The following INSC variants were observed in gnomAD, a reference collection of about 807,000 sequenced individuals.
INSC encodes INSC spindle orientation adaptor protein.
Under a neutral mutation model 58.6 loss-of-function variants are expected in INSC, and 67 were observed. That is an observed-to-expected ratio of 1.14 (90% CI 0.94 to 1.40). INSC has a LOEUF of 1.40. Among genes scored for constraint, INSC ranks in the 40% most tolerant of loss-of-function variants. INSC has a pLI of 0.00. For missense variants in INSC, 714 were observed against 692.0 expected (o/e 1.03, Z -0.36); for synonymous variants, 262 against 276.1 (o/e 0.95, Z 0.51).
At chr11:15,235,791 C>A in intron 10 of INSC, 123 bp downstream of exon 10, 2 of 862,166 alleles carry the variant, frequency 2.3e-6, no homozygotes, top group Non-Finnish European at 3.9e-6. Flanking sequence ...GCGCAGGAAT[C>A]ATGCCTGTAA....
At chr11:15,207,957 G>A (rs1374704463) in intron 7 of INSC, among the ~76,000 whole-genome samples, 4 of 152,076 alleles carry the variant, frequency 2.6e-5, no homozygotes, top group East Asian at 1.9e-4. Context: ...AGAACCCTGC[G>A]TTTTTGCTCC....
chr11:15,160,203 A>G (rs1848968832), intron 2 of INSC, among the ~76,000 whole-genome samples: 1 of 152,198 alleles, frequency 6.6e-6, no homozygotes, highest in Admixed American at 6.5e-5. Flanking sequence ...ATGGGACATA[A>G]ATTTGTTGAG....
intron 2 of INSC, among the ~76,000 whole-genome samples, chr11:15,156,455 T>C (rs1471549626): frequency 6.6e-6 from 1 of 152,194 alleles, no homozygotes; most frequent in African/African-American, 2.4e-5. Flanking sequence ...TGGATTTTTG[T>C]TTCCACTTAT....
the INSC span, among the ~76,000 whole-genome samples, chr11:15,262,558 G>A: frequency 6.6e-6 from 1 of 152,034 alleles, no homozygotes; most frequent in Admixed American, 6.6e-5. Context: ...GAAAACTGCA[G>A]GTCTTGATTC....
intron 1 of INSC, among the ~76,000 whole-genome samples, chr11:15,120,136 A>C (rs1847834822): frequency 6.6e-6 from 1 of 152,080 alleles, no homozygotes; most frequent in Admixed American, 6.5e-5. Flanking sequence ...ACTTCTCTGC[A>C]TTTTCTGAGG....
At chr11:15,201,066 TC>T (rs1850571976) in intron 7 of INSC, 117 bp downstream of exon 7, 4 of 1,282,818 alleles carry the variant, frequency 3.1e-6, no homozygotes, top group Non-Finnish European at 4.2e-6. Flanking sequence ...GTAGTCCTTT[TC>T]CCAGGCACCA....
the INSC span, among the ~76,000 whole-genome samples, chr11:15,265,562 TA>T: frequency 6.6e-5 from 10 of 151,950 alleles, no homozygotes; most frequent in African/African-American, 2.4e-4. Context: ...CTTATTAGCA[TA>T]AAACTTTCAA....
At chr11:15,168,239 C>A (rs1378921466) in intron 2 of INSC, among the ~76,000 whole-genome samples, 1 of 152,184 alleles carries the variant, frequency 6.6e-6, no homozygotes, top group Non-Finnish European at 1.5e-5. Context: ...GCCCCACATG[C>A]ATTAGCTATT....
intron 9 of INSC, among the ~76,000 whole-genome samples, chr11:15,229,351 G>T (rs1334053595): frequency 2.0e-5 from 3 of 152,056 alleles, no homozygotes. Flanking sequence ...GTCACTAGGG[G>T]TTTCATTTTT....
chr11:15,243,552 G>T (rs979617958), intron 12 of INSC, among the ~76,000 whole-genome samples: 1 of 152,128 alleles, frequency 6.6e-6, no homozygotes, highest in Non-Finnish European at 1.5e-5. Flanking sequence ...AGGGTCCTTT[G>T]AGGCTGCTGC....
chr11:15,193,133 A>G (rs1850242496), intron 6 of INSC, among the ~76,000 whole-genome samples: 1 of 152,184 alleles, frequency 6.6e-6, no homozygotes, highest in African/African-American at 2.4e-5. Context: ...TATGCCTAGG[A>G]GTAGGTCTAG....
intron 7 of INSC, among the ~76,000 whole-genome samples, chr11:15,207,159 C>T (rs1850834423): frequency 1.3e-5 from 2 of 152,108 alleles, no homozygotes; most frequent in Admixed American, 6.5e-5. Flanking sequence ...TAGGAAGCTA[C>T]AGGTCTGTGG....
chr11:15,170,512 A>G (rs1189541270), intron 2 of INSC, among the ~76,000 whole-genome samples: 1 of 152,170 alleles, frequency 6.6e-6, no homozygotes, highest in Non-Finnish European at 1.5e-5. Flanking sequence ...TAGGGGAAGA[A>G]TGCTACAAGA....
intron 7 of INSC, among the ~76,000 whole-genome samples, chr11:15,219,423 C>T (rs1851352472): frequency 1.3e-5 from 2 of 152,140 alleles, no homozygotes; most frequent in South Asian, 4.1e-4. Context: ...ATCACCTCCC[C>T]AACTGCAGTG....
chr11:15,115,299 T>C (rs1590318446), intron 1 of INSC, among the ~76,000 whole-genome samples: 2 of 152,122 alleles, frequency 1.3e-5, no homozygotes, highest in Non-Finnish European at 2.9e-5. Context: ...CTGCCCTGGG[T>C]GCACTGTGTC....
At chr11:15,181,950 C>T (rs1184746238) in intron 5 of INSC, among the ~76,000 whole-genome samples, 1 of 152,036 alleles carries the variant, frequency 6.6e-6, no homozygotes, top group Non-Finnish European at 1.5e-5. Flanking sequence ...TTAGTACAAT[C>T]TCTTCAATTT....
At chr11:15,120,272 G>T (rs1342789097) in intron 1 of INSC, among the ~76,000 whole-genome samples, 4 of 152,142 alleles carry the variant, frequency 2.6e-5, no homozygotes, top group Non-Finnish European at 5.9e-5. Flanking sequence ...TGTGCAAGGC[G>T]CTGGGGGTAG....
intron 1 of INSC, among the ~76,000 whole-genome samples, chr11:15,116,659 G>A (rs1847702634): frequency 6.6e-6 from 1 of 152,040 alleles, no homozygotes; most frequent in Non-Finnish European, 1.5e-5. Context: ...CAGACTAAAT[G>A]TGCTCTTTCA....
intron 9 of INSC, 132 bp from the exon 10 acceptor site, chr11:15,235,470 G>T (rs144664939): frequency 5.3e-6 from 4 of 747,866 alleles, no homozygotes; most frequent in South Asian, 4.3e-5. Flanking sequence ...GCCGTGGAAG[G>T]ATAGGCCCGG....
Sources: allele counts gnomAD v4.1 joint callset (sites outside exome capture counted in the v4.1 genomes callset), GRCh38; gene constraint gnomAD v4.1.1; transcripts MANE v1.5; gene names NCBI Gene and HGNC (gene_info 2026-07-23, HGNC 2026-07-21).